Variants in HIVEP3 observed in about 807,000 individuals in gnomAD.
The protein encoded by HIVEP3 is HIVEP zinc finger 3, also known as transcription factor HIVEP3.
HIVEP3 carries 49 observed loss-of-function variants against 152.8 expected under a neutral mutation model. The observed-to-expected ratio is 0.32, with a 90% CI of 0.26 to 0.41. The LOEUF (loss-of-function observed/expected upper bound fraction) is 0.41, where lower values mean the gene tolerates loss of function less well. Ranked by LOEUF, HIVEP3 falls within the 10% of genes least tolerant of loss-of-function variation. HIVEP3 has a pLI of 1.00. For synonymous variants in HIVEP3, 1,269 were observed against 1,289.0 expected (o/e 0.98, Z 0.33); for missense variants, 2,790 against 3,103.3 (o/e 0.90, Z 2.40).
At chr1:41,718,582 G>A (rs983747709) in intron 1 of HIVEP3, among the ~76,000 whole-genome samples, 1 of 152,134 alleles carries the variant, frequency 6.6e-6, no homozygotes, top group Non-Finnish European at 1.5e-5. Context: ...CCAGCCACCC[G>A]GCTTAGCATC....
At chr1:41,554,163 T>G (rs544627463) in intron 5 of HIVEP3, among the ~76,000 whole-genome samples, 1 of 152,386 alleles carries the variant, frequency 6.6e-6, no homozygotes, top group African/African-American at 2.4e-5. Context: ...TCTTTTCACA[T>G]AGTCCCATAT....
intron 3 of HIVEP3, among the ~76,000 whole-genome samples, chr1:41,593,870 G>A (rs1644625241): frequency 6.6e-6 from 1 of 152,194 alleles, no homozygotes; most frequent in Non-Finnish European, 1.5e-5. Flanking sequence ...CTTTCTGGGG[G>A]CCCTAGAGGA....
At position 41,583,214 on chromosome 1, in the gene HIVEP3, C is replaced by T. The variant is rs377655796; in HGVS notation, c.1584G>A (p.Pro528=). The T allele has an allele frequency of 1.3e-5, 21 of 1,608,402 alleles. No homozygotes were observed. Among genetic ancestry groups the T allele is most frequent in the South Asian group, 1.1e-4 (10 of 90,752 alleles). ...PEQSLLSLQH[P]PSTAPPVPLL... is the part of the protein sequence containing the mutation. ...GAGGCACAGGGGGGGCGGTACTGGG[C>T]GGGTGCTGGAGGCTCAGCAGTGATT... Residue 528 remains proline (P), a synonymous_variant, in exon 4 of 9, where the codon CCG becomes CCA. Coordinates refer to ENST00000372583, the MANE Select transcript of HIVEP3 (RefSeq NM_024503.5). The surrounding 1 kb of genome is among the most constrained non-coding windows in gnomAD (Gnocchi z 6.9).
chr1:41,937,687 A>G (rs1388585716), intron 1 of HIVEP3, among the ~76,000 whole-genome samples: 1 of 152,204 alleles, frequency 6.6e-6, no homozygotes, highest in African/African-American at 2.4e-5. Flanking sequence ...TGCCAGTCTA[A>G]AACATTGAAC....
intron 5 of HIVEP3, among the ~76,000 whole-genome samples, chr1:41,559,857 G>A (rs35098087): frequency 0.037 from 5,588 of 152,328 alleles, 154 homozygotes; most frequent in Middle Eastern, 0.1. Context: ...GCCACGTACC[G>A]TGAGTACTTC....
chr1:41,841,347 C>A (rs974648342), intron 1 of HIVEP3, among the ~76,000 whole-genome samples: 1 of 152,196 alleles, frequency 6.6e-6, no homozygotes, highest in Non-Finnish European at 1.5e-5. Flanking sequence ...CATCCAGAAA[C>A]GCGGTGTTTA....
intron 2 of HIVEP3, among the ~76,000 whole-genome samples, chr1:41,655,725 G>A (rs1214346836): frequency 2.6e-5 from 4 of 151,652 alleles, no homozygotes; most frequent in Admixed American, 2.0e-4. Flanking sequence ...CCCTATTGCC[G>A]TGTTCCTTTG....
At chr1:41,537,982 A>G (rs1282142018) in intron 5 of HIVEP3, among the ~76,000 whole-genome samples, 1 of 152,240 alleles carries the variant, frequency 6.6e-6, no homozygotes, top group Non-Finnish European at 1.5e-5. Context: ...GGCCAGAAAT[A>G]TAAAGCTAAA....
At chr1:41,666,141 G>A (rs200190445) in intron 2 of HIVEP3, among the ~76,000 whole-genome samples, 4 of 147,688 alleles carry the variant, frequency 2.7e-5, no homozygotes, top group African/African-American at 1.0e-4. Context: ...GTGTGTGTGT[G>A]TATGTGTGTG....
intron 1 of HIVEP3, among the ~76,000 whole-genome samples, chr1:41,888,113 G>A (rs1312410511): frequency 6.8e-6 from 1 of 147,204 alleles, no homozygotes; most frequent in African/African-American, 2.5e-5. Context: ...TCAGCTCACT[G>A]CAAGCTCCGC....
intron 3 of HIVEP3, among the ~76,000 whole-genome samples, chr1:41,593,208 T>A (rs758693813): frequency 2.6e-5 from 4 of 152,196 alleles, no homozygotes; most frequent in Non-Finnish European, 1.5e-5. Flanking sequence ...CTTGGCTCTT[T>A]CCCCTGAATC....
intron 1 of HIVEP3, among the ~76,000 whole-genome samples, chr1:41,785,367 A>G (rs1649287169): frequency 6.6e-6 from 1 of 152,246 alleles, no homozygotes; most frequent in African/African-American, 2.4e-5. Context: ...GGAATTTTAC[A>G]TACTTCGAGC....
intron 3 of HIVEP3, among the ~76,000 whole-genome samples, chr1:41,605,284 C>T (rs933479699): frequency 2.0e-5 from 3 of 151,646 alleles, no homozygotes; most frequent in Non-Finnish European, 4.4e-5. Flanking sequence ...TGGGTATTTA[C>T]TCCGAAGGGG....
At chr1:41,545,035 C>T (rs1396500786) in intron 5 of HIVEP3, among the ~76,000 whole-genome samples, 4 of 87,956 alleles carry the variant, frequency 4.5e-5, no homozygotes, top group South Asian at 4.1e-4. Flanking sequence ...ACCACCACCA[C>T]CAATACCACT....
upstream of HIVEP3, among the ~76,000 whole-genome samples, chr1:41,921,086 A>G (rs374587967): frequency 9.3e-4 from 142 of 152,290 alleles, no homozygotes; most frequent in African/African-American, 3.1e-3. Flanking sequence ...ACTCTCCACT[A>G]TTTCCATACG....
intron 5 of HIVEP3, among the ~76,000 whole-genome samples, chr1:41,560,257 G>A (rs867693635): frequency 2.0e-5 from 3 of 152,210 alleles, no homozygotes; most frequent in Non-Finnish European, 4.4e-5. Context: ...AGAAGACTGA[G>A]CCAGAGAGGT....
At chr1:42,020,109 A>C (rs1401193570) in intron 1 of HIVEP3, among the ~76,000 whole-genome samples, 1 of 151,874 alleles carries the variant, frequency 6.6e-6, no homozygotes, top group East Asian at 1.9e-4. Context: ...TTTTGATTAT[A>C]TTTTGCTTAG....
intron 3 of HIVEP3, among the ~76,000 whole-genome samples, chr1:41,622,084 C>CAATAACAAATGCTTACTG (rs1398028055): frequency 1.3e-5 from 2 of 152,222 alleles, no homozygotes; most frequent in African/African-American, 4.8e-5. Context: ...ATCCATCTTG[C>CAATAACAAATGCTTACTG]AGATCCTTGG....
Position 41,507,657 on chromosome 1 carries a change from A to C in HIVEP3, c.*2794T>G, listed in dbSNP as rs992516511. 6.6e-6 allele frequency: 1 copy of C among 152,368 alleles called. No homozygotes were observed. The highest frequency in any genetic ancestry group is 2.4e-5 in the African/African-American group (1 of 41,452). The allele number at this position is 152,368 out of a possible 1,614,324, so 9.4% of individuals were successfully genotyped here. A position where few individuals can be genotyped will look rare whatever the true frequency, so the allele number is the denominator to read the frequency against. On this transcript the variant is annotated 3_prime_UTR_variant, in exon 9 of 9. Transcript: ENST00000372583. ...CCCTCAACAGGCACAATAACATCAC[A>C]GGCAAACAGGAAGCTTGGAAGTGAC...
Sources: allele counts gnomAD v4.1 joint callset (sites outside exome capture counted in the v4.1 genomes callset), GRCh38; gene constraint gnomAD v4.1.1; non-coding constraint Gnocchi (gnomAD v3.1); transcripts MANE v1.5; gene names NCBI Gene and HGNC (gene_info 2026-07-23, HGNC 2026-07-21).